Variants in MYOM2 observed in about 807,000 individuals in gnomAD.
MYOM2 encodes the protein myomesin 2.
MYOM2 carries 254 observed loss-of-function variants against 187.6 expected under a neutral mutation model. The observed-to-expected ratio is 1.35, with a 90% CI of 1.22 to 1.50. The LOEUF (loss-of-function observed/expected upper bound fraction) is 1.50, where lower values mean the gene tolerates loss of function less well. Among genes scored for constraint, MYOM2 ranks in the 40% most tolerant of loss-of-function variants. The pLI, the probability that MYOM2 is intolerant of heterozygous loss-of-function variation, is 0.00. For missense variants in MYOM2, 2,796 were observed against 1,924.0 expected (o/e 1.45, Z -8.48); for synonymous variants, 981 against 753.8 (o/e 1.30, Z -4.94).
chr8:2,138,583 A>T (rs3779816), intron 32 of MYOM2, among the ~76,000 whole-genome samples: 1 of 152,146 alleles, frequency 6.6e-6, no homozygotes, highest in Non-Finnish European at 1.5e-5. Context: ...ATTCTAACAC[A>T]GTTTTTAAAA....
Position 2,064,169 on chromosome 8 carries a change from GGCC to G in MYOM2, c.653+4925_653+4927del. Among the ~76,000 whole-genome samples, 3 of 152,306 alleles carry G rather than the reference GGCC, an allele frequency of 2.0e-5. No individual in the cohort carries two copies. In the South Asian group the frequency reaches 6.2e-4, roughly 32 times the overall value. Reference sequence around the variant, plus strand: ...CTGCATCTGCTCCGTCGTCTGCCCAGGCCCCCTGCTTCCCGGCCTCGGGGCAGG... The same window carrying G: ...CTGCATCTGCTCCGTCGTCTGCCCAGCCCTGCTTCCCGGCCTCGGGGCAGG... On this transcript the variant is annotated intron_variant, in intron 6 of 36. Coordinates refer to ENST00000262113, the MANE Select transcript of MYOM2 (RefSeq NM_003970.4).
chr8:2,114,040 G>A (rs113940545), intron 25 of MYOM2, among the ~76,000 whole-genome samples: 2,751 of 152,264 alleles, frequency 0.018, 77 homozygotes, highest in African/African-American at 0.063. Flanking sequence ...AGGCAGAGCT[G>A]TGGAAACCCC....
At position 2,116,206 on chromosome 8, in the gene MYOM2, T is replaced by C. The variant is rs117078021; in HGVS notation, c.3326-10T>C. The C allele has an allele frequency of 4.1e-3, 6,632 of 1,598,796 alleles. 25 individuals carry two copies. The highest frequency in any genetic ancestry group is 5.0e-3 in the Non-Finnish European group (5,824 of 1,174,376). On this transcript the variant is annotated splice_polypyrimidine_tract_variant and intron_variant, in intron 26 of 36. Transcript: ENST00000262113. ...TGTTTCATATATATTTTTTTAAATA[T>C]TGAATTTAGCATTCAAGACTGTGCT...
intron 14 of MYOM2, among the ~76,000 whole-genome samples, chr8:2,087,117 C>G (rs1236088970): frequency 6.6e-6 from 1 of 152,206 alleles, no homozygotes; most frequent in East Asian, 1.9e-4. Context: ...ACTAATCTGA[C>G]TTGGTGACGA....
intron 15 of MYOM2, among the ~76,000 whole-genome samples, chr8:2,090,881 G>C (rs1395863387): frequency 1.3e-5 from 2 of 152,118 alleles, no homozygotes; most frequent in African/African-American, 2.4e-5. Flanking sequence ...CAGGCATTTG[G>C]GTTGATTCCA....
At chr8:2,140,051 C>A (rs770860748) in intron 32 of MYOM2, among the ~76,000 whole-genome samples, 1 of 152,118 alleles carries the variant, frequency 6.6e-6, no homozygotes, top group Non-Finnish European at 1.5e-5. Flanking sequence ...ACTCTGTTCC[C>A]ATTAAACCCT....
chr8:2,108,928 A>G, intron 24 of MYOM2, 98 bp downstream of exon 24: 1 of 1,207,428 alleles, frequency 8.3e-7, no homozygotes, highest in South Asian at 1.3e-5. Flanking sequence ...CTTTGGGGAA[A>G]GGATGGCCTG....
At position 2,057,712 on chromosome 8, in the gene MYOM2, C is replaced by T. The variant is rs371007407; in HGVS notation, c.492C>T (p.Thr164=). The stretch of plus-strand genomic sequence containing the variant: ...TCCTGGTGCGGCTGCGATCCCACAC[C>T]GTCTGGGAGAGGATGTCTGTGAAAC... ...PEILVRLRSH[T]VWERMSVKLC... is the part of the protein sequence containing the mutation. Residue 164 remains threonine, a synonymous_variant, in exon 5 of 37, where the codon ACC becomes ACT. Coordinates refer to ENST00000262113, the MANE Select transcript of MYOM2 (RefSeq NM_003970.4). 70 of 1,613,966 alleles carry T rather than the reference C, an allele frequency of 4.3e-5. No individual in the cohort carries two copies. The highest frequency in any genetic ancestry group is 8.0e-5 in the African/African-American group (6 of 74,886).
intron 1 of MYOM2, 112 bp from the exon 2 acceptor site, chr8:2,050,643 A>G: frequency 3.4e-6 from 2 of 585,154 alleles, no homozygotes; most frequent in East Asian, 5.8e-5. Context: ...TTCCCTTCCC[A>G]AGGGGGTTTT....
At chr8:2,064,420 G>A (rs544481423) in intron 6 of MYOM2, among the ~76,000 whole-genome samples, 44 of 152,330 alleles carry the variant, frequency 2.9e-4, no homozygotes, top group Admixed American at 9.2e-4. Context: ...TTAGCGGGGC[G>A]CCTCCTGCAT....
chr8:2,064,244 T>TCC (rs1299519241), intron 6 of MYOM2, among the ~76,000 whole-genome samples: 1 of 152,182 alleles, frequency 6.6e-6, no homozygotes, highest in Non-Finnish European at 1.5e-5. Context: ...CTTACCTCCC[T>TCC]CCCAGGGCAG....
At chr8:2,110,802 T>C (rs973122757) in intron 25 of MYOM2, among the ~76,000 whole-genome samples, 3 of 152,060 alleles carry the variant, frequency 2.0e-5, no homozygotes, top group African/African-American at 7.3e-5. Context: ...TGATGGGCAT[T>C]TAGCAGGACT....
rs560428611 is a variant in MYOM2 at position 2,106,345 on chromosome 8, C to A, written c.2838C>A (p.Ser946=). The A allele has an allele frequency of 6.2e-7, 1 of 1,614,186 alleles. No homozygotes were observed. Among genetic ancestry groups the A allele is most frequent in the East Asian group, 2.2e-5 (1 of 44,886 alleles). The change falls in exon 22 of 37, where the codon TCC becomes TCA. Residue 946 remains serine (S), a synonymous_variant. Coordinates refer to ENST00000262113, the MANE Select transcript of MYOM2 (RefSeq NM_003970.4). ...CGTCTCAGTTCACCTGGTGTAAATC[C>A]TACGAGGAGATTTCAGATGATGAGA... The part of the protein sequence containing the change: ...TDASQFTWCK[S]YEEISDDERF...
chr8:2,115,498 A>G (rs527804423), intron 25 of MYOM2, among the ~76,000 whole-genome samples: 11 of 152,360 alleles, frequency 7.2e-5, no homozygotes, highest in African/African-American at 2.6e-4. Flanking sequence ...CTGCACCCTG[A>G]TGGACCACAG....
At chr8:2,085,433 G>A (rs1300857602) in intron 14 of MYOM2, 43 bp downstream of exon 14, 1 of 1,604,472 alleles carries the variant, frequency 6.2e-7, no homozygotes, top group Non-Finnish European at 8.5e-7. Flanking sequence ...ATCTCTGCAT[G>A]GCCCCCCACT....
intron 3 of MYOM2, among the ~76,000 whole-genome samples, chr8:2,055,246 C>T (rs2129328457): frequency 6.6e-6 from 1 of 152,288 alleles, no homozygotes; most frequent in Admixed American, 6.5e-5. Flanking sequence ...TGTCATTCAA[C>T]ATGCACATGC....
In MYOM2 at chr8:2,140,860, A is replaced by G; in HGVS notation, c.3938A>G (p.Gln1313Arg). The G allele has an allele frequency of 6.2e-7, 1 of 1,614,138 alleles. No individual in the cohort carries two copies. The highest frequency in any genetic ancestry group is 1.1e-5 in the South Asian group (1 of 91,082). ...ATTTTCGATGGCAAAGACAACCATC[A>G]ACGCTCCCTTGACCTGTCCGGACAA... ...FEIFDGKDNH[Q>R]RSLDLSGQAF... The change falls in exon 33 of 37, where the codon CAA (glutamine) becomes CGA (arginine). Residue 1313 changes from glutamine (Q) to arginine (R), a missense_variant. Physicochemically the swap from Gln to Arg is conservative, Grantham distance 43. Coordinates refer to ENST00000262113, the MANE Select transcript of MYOM2 (RefSeq NM_003970.4).
chr8:2,080,734 C>G (rs144539053), intron 13 of MYOM2, among the ~76,000 whole-genome samples: 67 of 152,346 alleles, frequency 4.4e-4, no homozygotes, highest in African/African-American at 1.6e-3. Flanking sequence ...ATTTGAATGA[C>G]TGAAAAATGG....
intron 10 of MYOM2, among the ~76,000 whole-genome samples, chr8:2,074,164 A>C (rs931220236): frequency 6.6e-6 from 1 of 152,248 alleles, no homozygotes; most frequent in African/African-American, 2.4e-5. Flanking sequence ...ATATATTTAT[A>C]AAATGCCTAT....
Sources: allele counts gnomAD v4.1 joint callset (sites outside exome capture counted in the v4.1 genomes callset), GRCh38; gene constraint gnomAD v4.1.1; transcripts MANE v1.5; gene names NCBI Gene and HGNC (gene_info 2026-07-23, HGNC 2026-07-21).